SHANK2: variants seen among roughly 807,000 people sequenced by gnomAD.
SHANK2 encodes the protein SH3 and multiple ankyrin repeat domains 2, also known as SH3 and multiple ankyrin repeat domains protein 2.
SHANK2 carries 43 observed loss-of-function variants against 133.7 expected under a neutral mutation model. The ratio of observed to expected loss-of-function variants is 0.32; its 90% confidence interval spans 0.25 to 0.41. The LOEUF is 0.41. SHANK2 is among the 10% of genes least tolerant of loss of function. The probability of loss-of-function intolerance (pLI) is 1.00; values close to 1 mark genes in which losing one functional copy is unlikely to be tolerated. For missense variants in SHANK2, 1,994 were observed against 2,235.8 expected, an observed-to-expected ratio of 0.89 and a Z score of 2.18; for synonymous variants, 1,017 against 952.8, an observed-to-expected ratio of 1.07 and a Z score of -1.24.
At chr11:71,111,330 C>T (rs917505066) in intron 5 of SHANK2, among the ~76,000 whole-genome samples, 14 of 152,320 alleles carry the variant, frequency 9.2e-5, no homozygotes, top group African/African-American at 3.1e-4. Context: ...CATGGCCACA[C>T]AGGCAGAAAT....
intron 9 of SHANK2, among the ~76,000 whole-genome samples, chr11:71,062,120 T>G (rs1950995656): frequency 6.6e-6 from 1 of 152,002 alleles, no homozygotes; most frequent in African/African-American, 2.4e-5. Flanking sequence ...CATGCCGGGC[T>G]AATTTTTGTA....
chr11:70,770,232 G>C (rs556914285), intron 14 of SHANK2, among the ~76,000 whole-genome samples: 1 of 152,222 alleles, frequency 6.6e-6, no homozygotes, highest in Non-Finnish European at 1.5e-5. Flanking sequence ...TGTGTCTCCT[G>C]CTCTTTGCCT....
intron 17 of SHANK2, among the ~76,000 whole-genome samples, chr11:70,574,063 G>A (rs1263779181): frequency 1.3e-5 from 2 of 152,184 alleles, no homozygotes; most frequent in South Asian, 2.1e-4. Flanking sequence ...TACCAGCGCC[G>A]AGGGATGGCC....
chr11:70,483,770 A>G (rs1165509166), intron 25 of SHANK2, among the ~76,000 whole-genome samples: 1 of 152,170 alleles, frequency 6.6e-6, no homozygotes, highest in African/African-American at 2.4e-5. Flanking sequence ...ATACGTACAT[A>G]ATTCTTAGAC....
intron 11 of SHANK2, among the ~76,000 whole-genome samples, chr11:70,892,298 T>C (rs1465216426): frequency 1.3e-5 from 2 of 152,198 alleles, no homozygotes; most frequent in South Asian, 2.1e-4. Flanking sequence ...GCTCTAGTAA[T>C]CCTAGAGCGA....
intron 9 of SHANK2, among the ~76,000 whole-genome samples, chr11:71,070,782 A>G (rs1054632782): frequency 5.3e-5 from 8 of 152,284 alleles, no homozygotes; most frequent in Non-Finnish European, 7.3e-5. Context: ...GACGGAGTCC[A>G]TGCGACACGC....
chr11:71,224,498 G>T (rs914763355), intron 2 of SHANK2, among the ~76,000 whole-genome samples, 199 bp downstream of exon 2: 6 of 152,126 alleles, frequency 3.9e-5, no homozygotes, highest in Non-Finnish European at 5.9e-5. Context: ...TTCATATCTC[G>T]CAAGGTCACA....
chr11:71,178,352 A>T (rs1590991717), intron 2 of SHANK2, among the ~76,000 whole-genome samples: 1 of 152,230 alleles, frequency 6.6e-6, no homozygotes, highest in South Asian at 2.1e-4. Flanking sequence ...ATATGATTCT[A>T]CTTATATGAG....
intron 1 of SHANK2, among the ~76,000 whole-genome samples, chr11:71,249,601 C>T (rs1948142665): frequency 6.6e-6 from 1 of 152,202 alleles, no homozygotes; most frequent in Non-Finnish European, 1.5e-5. Flanking sequence ...AGGCCCAGAA[C>T]TCTTTCAGAG....
chr11:71,086,101 TAATATATTA>T (rs1951404190), intron 8 of SHANK2, among the ~76,000 whole-genome samples: 1 of 52,990 alleles, frequency 1.9e-5, no homozygotes, highest in Non-Finnish European at 3.4e-5. Context: ...TTAAATTATA[TAATATATTA>T]TGTTATATAA....
At chr11:70,730,920 C>T (rs1348704791) in intron 14 of SHANK2, among the ~76,000 whole-genome samples, 2 of 149,142 alleles carry the variant, frequency 1.3e-5, no homozygotes, top group Non-Finnish European at 3.0e-5. Context: ...AACACATCCA[C>T]AATGCTGTGC....
chr11:70,762,323 CAG>C (rs1359139855), intron 14 of SHANK2, among the ~76,000 whole-genome samples: 24 of 152,258 alleles, frequency 1.6e-4, no homozygotes, highest in African/African-American at 5.5e-4. Flanking sequence ...TGGCTGGAGA[CAG>C]AAGTTCTCCC....
At chr11:70,708,435 C>T (rs1591770868) in intron 14 of SHANK2, among the ~76,000 whole-genome samples, 1 of 152,182 alleles carries the variant, frequency 6.6e-6, no homozygotes, top group East Asian at 1.9e-4. Context: ...AACCAAGTAA[C>T]GTCCCCTCCA....
intron 14 of SHANK2, among the ~76,000 whole-genome samples, chr11:70,707,972 G>A (rs1555025319): frequency 6.6e-6 from 1 of 152,222 alleles, no homozygotes; most frequent in African/African-American, 2.4e-5. Flanking sequence ...TGGAGTAGAT[G>A]TGGACAGTCT....
At chr11:70,782,567 G>A (rs1746070056) in intron 14 of SHANK2, among the ~76,000 whole-genome samples, 2 of 152,106 alleles carry the variant, frequency 1.3e-5, no homozygotes, top group South Asian at 4.1e-4. Context: ...AGAGTCCCCA[G>A]CCCCCAGAAA....
At position 70,471,128 on chromosome 11, in the gene SHANK2, C is replaced by T. The variant is rs1467179140; in HGVS notation, c.*1741G>A. 2.5e-6 allele frequency: 1 copy of T among 397,280 alleles called. No individual in the cohort carries two copies. The highest frequency in any genetic ancestry group is 4.4e-6 in the Non-Finnish European group (1 of 225,602). The allele number at this position is 397,280 out of a possible 1,614,324, so 24.6% of individuals were successfully genotyped here. A position where few individuals can be genotyped will look rare whatever the true frequency, so the allele number is the denominator to read the frequency against. On this transcript the variant is annotated 3_prime_UTR_variant, in exon 26 of 26. Transcript: ENST00000601538. This position sits in a 1 kb window ranked among gnomAD's most constrained non-coding sequence, Gnocchi z 4.1. ...GCACAAAGGCTGCCTAGTAGACCAG[C>T]CACTTTTTTTTCTTAAAATATTGTG...
chr11:70,658,234 C>G (rs1486779900), intron 17 of SHANK2, among the ~76,000 whole-genome samples: 2 of 87,520 alleles, frequency 2.3e-5, no homozygotes, highest in African/African-American at 4.1e-5. Flanking sequence ...CACACACACA[C>G]ACACACACAC....
intron 14 of SHANK2, among the ~76,000 whole-genome samples, chr11:70,775,534 T>C (rs1187335422): frequency 6.6e-6 from 1 of 152,204 alleles, no homozygotes; most frequent in Admixed American, 6.5e-5. Context: ...TTGCGTCTGC[T>C]GAAGGTGAGT....
chr11:70,823,063 G>C (rs1948564043), intron 11 of SHANK2, among the ~76,000 whole-genome samples: 1 of 104,124 alleles, frequency 9.6e-6, no homozygotes, highest in Non-Finnish European at 1.9e-5. Context: ...GGACAGAGGT[G>C]GCGCTGGCAG....
Sources: allele counts gnomAD v4.1 joint callset (sites outside exome capture counted in the v4.1 genomes callset), GRCh38; gene constraint gnomAD v4.1.1; non-coding constraint Gnocchi (gnomAD v3.1); transcripts MANE v1.5; gene names NCBI Gene and HGNC (gene_info 2026-07-23, HGNC 2026-07-21).